The following MYO1E variants were observed in gnomAD, a reference collection of about 807,000 sequenced individuals.
The protein encoded by MYO1E is unconventional myosin-Ie.
A neutral mutation model predicts 151.1 loss-of-function variants in MYO1E; 68 were observed. The observed-to-expected ratio is 0.45, with a 90% confidence interval of 0.37 to 0.55. The LOEUF (loss-of-function observed/expected upper bound fraction) is 0.55, where lower values mean the gene tolerates loss of function less well. Among genes scored for constraint, MYO1E ranks in the 20% least tolerant of loss-of-function variants. The pLI, the probability that MYO1E is intolerant of heterozygous loss-of-function variation, is 0.00. For synonymous variants in MYO1E, 601 were observed against 501.7 expected, an observed-to-expected ratio of 1.20 and a Z score of -2.64; for missense variants, 1,363 against 1,389.3, an observed-to-expected ratio of 0.98 and a Z score of 0.30.
chr15:59,222,944 T>A, intron 9 of MYO1E, 115 bp downstream of exon 9: 1 of 1,490,828 alleles, frequency 6.7e-7, no homozygotes, highest in East Asian at 2.3e-5. Context: ...GACATGTAGA[T>A]TTATCACTTC....
Position 59,296,393 on chromosome 15 carries a change from C to G in MYO1E, c.4-23944G>C, listed in dbSNP as rs565570114. ...TTGTGTGCAACATTACAAACCAAAA[C>G]AGATCTGTTTTCCTACTGACCTCAA... is the stretch of plus-strand genomic sequence containing the variant. On this transcript the variant is annotated intron_variant, in intron 1 of 27. Transcript: ENST00000288235. 1.7e-4 allele frequency among the ~76,000 whole-genome samples: 26 copies of G among 152,352 alleles called. No individual in the cohort carries two copies. In the South Asian group the frequency reaches 5.4e-3, roughly 32 times the overall value.
At chr15:59,337,435 G>A (rs1284455843) in intron 1 of MYO1E, among the ~76,000 whole-genome samples, 1 of 152,196 alleles carries the variant, frequency 6.6e-6, no homozygotes, top group Non-Finnish European at 1.5e-5. Flanking sequence ...ATAATATAAA[G>A]CACATGGTTT....
At chr15:59,311,880 C>A (rs1291283681) in intron 1 of MYO1E, among the ~76,000 whole-genome samples, 1 of 152,160 alleles carries the variant, frequency 6.6e-6, no homozygotes, top group Non-Finnish European at 1.5e-5. Context: ...CTTTCTCACT[C>A]TTTCTCGTGC....
At chr15:59,141,052 C>G (rs1305796391) in intron 26 of MYO1E, among the ~76,000 whole-genome samples, 1 of 152,112 alleles carries the variant, frequency 6.6e-6, no homozygotes, top group East Asian at 1.9e-4. Context: ...AATTAAGCAC[C>G]CTATATATTG....
At chr15:59,176,122 G>A (rs987363627) in intron 19 of MYO1E, among the ~76,000 whole-genome samples, 2 of 151,688 alleles carry the variant, frequency 1.3e-5, no homozygotes, top group Non-Finnish European at 1.5e-5. Context: ...GCAGTGGCGC[G>A]ATCTCGGCCC....
At chr15:59,232,313 C>T (rs544040260) in intron 5 of MYO1E, among the ~76,000 whole-genome samples, 2 of 152,296 alleles carry the variant, frequency 1.3e-5, no homozygotes, top group African/African-American at 4.8e-5. Context: ...TCATGAATCA[C>T]CTGGGGATCT....
At chr15:59,337,799 T>C (rs2080738396) in intron 1 of MYO1E, among the ~76,000 whole-genome samples, 1 of 152,042 alleles carries the variant, frequency 6.6e-6, no homozygotes, top group African/African-American at 2.4e-5. Context: ...GCCACTGCAC[T>C]CCAGCCTAGG....
At chr15:59,180,827 C>G (rs796411464) in intron 18 of MYO1E, among the ~76,000 whole-genome samples, 30 of 152,356 alleles carry the variant, frequency 2.0e-4, no homozygotes, top group African/African-American at 5.5e-4. Context: ...CCCTGCCTAA[C>G]TGGTGCCTGT....
At chr15:59,250,355 G>A (rs1407369572) in intron 4 of MYO1E, among the ~76,000 whole-genome samples, 1 of 152,150 alleles carries the variant, frequency 6.6e-6, no homozygotes, top group African/African-American at 2.4e-5. Context: ...GTGCGTGATC[G>A]AGGCCAAACA....
intron 4 of MYO1E, among the ~76,000 whole-genome samples, chr15:59,241,689 G>A (rs1056842025): frequency 9.9e-5 from 15 of 151,910 alleles, no homozygotes; most frequent in Non-Finnish European, 2.9e-5. Context: ...CGGTGACAGA[G>A]CAAGACTCCA....
At chr15:59,192,823 T>C (rs2079742051) in intron 17 of MYO1E, among the ~76,000 whole-genome samples, 1 of 152,156 alleles carries the variant, frequency 6.6e-6, no homozygotes, top group Non-Finnish European at 1.5e-5. Flanking sequence ...ATCACTGTTC[T>C]GTTGTGTGTG....
intron 1 of MYO1E, among the ~76,000 whole-genome samples, chr15:59,369,019 T>C (rs1444421190): frequency 3.3e-5 from 5 of 152,206 alleles, no homozygotes; most frequent in Admixed American, 3.3e-4. Flanking sequence ...CTTGATCCCA[T>C]TCCTTTCTGG....
chr15:59,188,409 A>C (rs1240814085), intron 17 of MYO1E, among the ~76,000 whole-genome samples, 193 bp from the exon 18 acceptor site: 5 of 152,226 alleles, frequency 3.3e-5, no homozygotes, highest in African/African-American at 1.2e-4. Flanking sequence ...GAAATACAGC[A>C]ATTAGGCTGG....
intron 15 of MYO1E, among the ~76,000 whole-genome samples, chr15:59,203,368 C>T (rs1008110215): frequency 4.7e-5 from 7 of 149,710 alleles, no homozygotes; most frequent in Admixed American, 2.7e-4. Flanking sequence ...CAGGCTCTGC[C>T]GGCTGAATAT....
rs1212076216 is a variant in MYO1E at position 59,297,524 on chromosome 15, C to G, written c.4-25075G>C. Among the ~76,000 whole-genome samples, 5 of 145,702 alleles carry G rather than the reference C, an allele frequency of 3.4e-5. No homozygotes were observed. In the Admixed American group the frequency reaches 3.6e-4, roughly 10 times the overall value. On this transcript the variant is annotated intron_variant, in intron 1 of 27. Coordinates refer to ENST00000288235, the MANE Select transcript of MYO1E (RefSeq NM_004998.4). ...TCTCAAACTCCTGACCTCAGGTGAT[C>G]TGCCTGCCTCAGCCTCCCAAAGTGC...
Position 59,173,785 on chromosome 15 carries a change from A to G in MYO1E, c.2295T>C (p.Asp765=), listed in dbSNP as rs2079608946. 6.2e-7 allele frequency: 1 copy of G among 1,613,968 alleles called. No individual in the cohort carries two copies. The highest frequency in any genetic ancestry group is 1.3e-5 in the African/African-American group (1 of 74,932). The change falls in exon 21 of 28, where the codon GAT becomes GAC. Residue 765 remains aspartate, a synonymous_variant. Coordinates refer to ENST00000288235, the MANE Select transcript of MYO1E (RefSeq NM_004998.4). The stretch of plus-strand genomic sequence containing the variant: ...CATACTTGGTGACTGTGTCTGCGAA[A>G]TCAATCTTCTCCCTCTTGCCCACGA... ...QQFVGKREKI[D]FADTVTKYDR...
chr15:59,223,298 T>C lies in MYO1E; in HGVS notation c.778-107A>G, dbSNP rs1294984498. On this transcript the variant is annotated intron_variant, in intron 8 of 27. Coordinates refer to ENST00000288235, the MANE Select transcript of MYO1E (RefSeq NM_004998.4). The stretch of plus-strand genomic sequence containing the variant: ...CTGCTCTAAATAAGGATGTGACAAG[T>C]ACAGACGAGTTACAAAGAAAAAAAA... The C allele has an allele frequency of 7.9e-6, 10 of 1,263,636 alleles. No individual in the cohort carries two copies. In the Admixed American group the frequency reaches 1.8e-4, roughly 22 times the overall value. 78.3% of individuals were successfully genotyped at this position (1,263,636 alleles called of 1,614,324 possible).
intron 18 of MYO1E, among the ~76,000 whole-genome samples, chr15:59,181,390 T>G (rs1406676316): frequency 1.1e-4 from 16 of 152,252 alleles, no homozygotes; most frequent in Admixed American, 1.0e-3. Flanking sequence ...ACACATTGCC[T>G]AGCTCAGAGA....
At chr15:59,302,101 A>T (rs2080486493) in intron 1 of MYO1E, among the ~76,000 whole-genome samples, 1 of 152,162 alleles carries the variant, frequency 6.6e-6, no homozygotes, top group African/African-American at 2.4e-5. Context: ...GCCAATTCTC[A>T]GGAAAGTCCC....
Sources: gnomAD v4.1 joint callset for allele counts (sites outside exome capture counted in the v4.1 genomes callset) on GRCh38, gnomAD v4.1.1 for gene constraint, MANE v1.5 for transcripts, NCBI Gene and HGNC (gene_info 2026-07-23, HGNC 2026-07-21) for gene names.